WDR13: variants seen among roughly 807,000 people sequenced by gnomAD.
The protein encoded by WDR13 is WD repeat-containing protein 13.
A neutral mutation model predicts 28.6 loss-of-function variants in WDR13; 1 was observed. The observed-to-expected ratio is 0.03, with a 90% confidence interval of 0.01 to 0.17. The LOEUF is 0.17. WDR13 is among the 10% of genes least tolerant of loss of function. WDR13 has a pLI of 1.00. For missense variants in WDR13, 264 were observed against 469.3 expected (o/e 0.56, Z 4.04); for synonymous variants, 201 against 185.9 (o/e 1.08, Z -0.66).
intron 6 of WDR13, among the ~76,000 whole-genome samples, chrX:48,601,191 G>A (rs2062183214): frequency 8.9e-6 from 1 of 112,722 alleles, no homozygotes; most frequent in Non-Finnish European, 1.9e-5. Flanking sequence ...AGCCCCTTTG[G>A]TCCCATCAGC....
chrX:48,598,080 G>A (rs1556993191), intron 2 of WDR13, 43 bp downstream of exon 2: 2 of 1,160,359 alleles, frequency 1.7e-6, no homozygotes, highest in African/African-American at 1.8e-5. Flanking sequence ...AACTTACTGT[G>A]GTGCATGCGC....
At position 48,607,065 on chromosome X, in the gene WDR13, C is replaced by G. The variant is rs1206090255; in HGVS notation, c.*2033C>G. 9.2e-5 allele frequency: 9 copies of G among 97,470 alleles called. No homozygotes were observed. The highest frequency in any genetic ancestry group is 1.5e-4 in the Non-Finnish European group (7 of 47,790). 8.0% of individuals were successfully genotyped at this position (97,470 alleles called of 1,213,427 possible). ...GTGTGTCATGGTCCTCAATACCAGC[C>G]CCAAGCCCAGTGATTTGCTAGGAGG... On this transcript the variant is annotated 3_prime_UTR_variant, in exon 10 of 10. Transcript: ENST00000376729.
chrX:48,603,145 T>G (rs1011516749), intron 8 of WDR13, among the ~76,000 whole-genome samples: 1 of 112,051 alleles, frequency 8.9e-6, no homozygotes, highest in Non-Finnish European at 1.9e-5. Flanking sequence ...CCTAAGTAGC[T>G]GAGATTACAG....
Position 48,598,948 on chromosome X carries a change from C to T in WDR13, c.273C>T (p.Asp91=). Residue 91 remains aspartate, a synonymous_variant, in exon 3 of 10, where the codon GAC becomes GAT. Transcript: ENST00000376729. ...TCCGCAGTAGCCGCACTACTCTTGA[C>T]CGCATGGAGGTGAGCTTCTGGCCAC... ...SIVRSSRTTL[D]RMEDFEDDPR... 4.2e-6 allele frequency: 5 copies of T among 1,201,002 alleles called. No individual in the cohort carries two copies. The highest frequency in any genetic ancestry group is 3.0e-5 in the East Asian group (1 of 33,645).
At chrX:48,599,806 C>G (rs188668802) in intron 5 of WDR13, 89 bp downstream of exon 5, 329 of 1,137,995 alleles carry the variant, frequency 2.9e-4, no homozygotes, top group Non-Finnish European at 3.7e-4. Context: ...TCCAAGGCCC[C>G]TGGCACACTC....
intron 9 of WDR13, among the ~76,000 whole-genome samples, 186 bp from the exon 10 acceptor site, chrX:48,604,662 C>T (rs1450714453): frequency 8.9e-6 from 1 of 112,654 alleles, no homozygotes; most frequent in African/African-American, 3.2e-5. Flanking sequence ...ACCTCGCATT[C>T]TGCACACAGT....
chrX:48,604,580 A>G (rs991015191), intron 9 of WDR13, among the ~76,000 whole-genome samples, 190 bp downstream of exon 9: 1 of 112,531 alleles, frequency 8.9e-6, no homozygotes, highest in Non-Finnish European at 1.9e-5. Context: ...TTTGCACTTG[A>G]TCTCGGCCAA....
chrX:48,597,764 A>C, intron 1 of WDR13, 150 bp downstream of exon 1: 1 of 435,968 alleles, frequency 2.3e-6, no homozygotes, highest in South Asian at 4.5e-5. Flanking sequence ...GTCTGTTCTG[A>C]ATCGCTGTGT....
chrX:48,597,929 C>T, intron 1 of WDR13, 29 bp from the exon 2 acceptor site: 1 of 1,151,359 alleles, frequency 8.7e-7, no homozygotes, highest in Non-Finnish European at 1.2e-6. Context: ...TCGCTCGGGA[C>T]GCTCACATTC....
At chrX:48,599,165 G>GC (rs1418567667) in intron 3 of WDR13, 188 bp from the exon 4 acceptor site, 5 of 678,588 alleles carry the variant, frequency 7.4e-6, no homozygotes, top group Non-Finnish European at 1.1e-5. Flanking sequence ...TATCTGCTGA[G>GC]CAGGGGGAGG....
Position 48,602,143 on chromosome X carries a change from G to A in WDR13, c.1091G>A (p.Ser364Asn), listed in dbSNP as rs1377233509. Residue 364 changes from serine to asparagine, a missense_variant, in exon 8 of 10, where the codon AGC becomes AAC. By Grantham distance (46) the Ser-to-Asn change is conservative. Coordinates refer to ENST00000376729, the MANE Select transcript of WDR13 (RefSeq NM_001347217.2). Reference sequence around the variant, plus strand: ...AGCATCTCAGCCCGGTCCTGGGTCAGCCGCGAGGCCCGGGATCCCTCACTG... The same window carrying A: ...AGCATCTCAGCCCGGTCCTGGGTCAACCGCGAGGCCCGGGATCCCTCACTG... ...VTSISARSWVSREARDPSLLI... is the reference protein window; with the variant it reads ...VTSISARSWVNREARDPSLLI... 1.7e-6 allele frequency: 2 copies of A among 1,211,713 alleles called. No homozygotes were observed. The highest frequency in any genetic ancestry group is 2.2e-6 in the Non-Finnish European group (2 of 895,394).
rs1224044160 is a variant in WDR13 at position 48,606,313 on chromosome X, G to C, written c.*1281G>C. The C allele has an allele frequency of 9.1e-6, 1 of 109,951 alleles. No individual in the cohort carries two copies. The highest frequency in any genetic ancestry group is 3.3e-5 in the African/African-American group (1 of 30,168). 9.1% of individuals were successfully genotyped at this position (109,951 alleles called of 1,213,427 possible). On this transcript the variant is annotated 3_prime_UTR_variant, in exon 10 of 10. Coordinates refer to ENST00000376729, the MANE Select transcript of WDR13 (RefSeq NM_001347217.2). The stretch of plus-strand genomic sequence containing the variant: ...ACCCCCAGGGGGTTCACTATGTTAG[G>C]CTGCAGGACTCTGCTGCCTCCTCAG...
chrX:48,598,774 G>T lies in WDR13; in HGVS notation c.99G>T (p.Arg33=), dbSNP rs1556993504. The T allele has an allele frequency of 4.1e-5, 50 of 1,207,555 alleles. No homozygotes were observed. Among genetic ancestry groups the T allele is most frequent in the Non-Finnish European group, 5.5e-5 (49 of 893,085 alleles). The change falls in exon 3 of 10, where the codon CGG becomes CGT. Residue 33 remains arginine, a synonymous_variant. Transcript: ENST00000376729. The stretch of plus-strand genomic sequence containing the variant: ...AGTTTCGGACGCAGTATATCCGCCG[G>T]CGCAGCCAGCTGCTGCGGGAGAATG... ...FPQFRTQYIR[R]RSQLLRENAK... is the part of the protein sequence containing the mutation.
rs1556996268 is a variant in WDR13 at position 48,607,454 on chromosome X, A to ACCTCCC, written c.*2427_*2428insCCCTCC. ...ATGATCTTGGCTCACTGCAGCCTCC[A>ACCTCCC]CCTCCTGGGTTCAAGCGATCCTCGG... On this transcript the variant is annotated 3_prime_UTR_variant, in exon 10 of 10. Transcript: ENST00000376729. The ACCTCCC allele has an allele frequency of 2.4e-5, 2 of 83,847 alleles. No individual in the cohort carries two copies. The highest frequency in any genetic ancestry group is 4.4e-5 in the Non-Finnish European group (2 of 45,614). 6.9% of individuals were successfully genotyped at this position (83,847 alleles called of 1,213,427 possible).
At chrX:48,598,609 G>T in intron 2 of WDR13, 108 bp from the exon 3 acceptor site, 2 of 1,099,946 alleles carry the variant, frequency 1.8e-6, no homozygotes, top group Non-Finnish European at 2.4e-6. Flanking sequence ...TACCACCTAG[G>T]CCCCAGTCAC....
At chrX:48,599,899 G>A in intron 5 of WDR13, 182 bp downstream of exon 5, 1 of 667,845 alleles carries the variant, frequency 1.5e-6, no homozygotes, top group South Asian at 3.0e-5. Flanking sequence ...CTACTGGAAA[G>A]GGCCTCAGAA....
intron 8 of WDR13, among the ~76,000 whole-genome samples, chrX:48,603,641 C>A (rs782554155): frequency 9.0e-6 from 1 of 111,042 alleles, no homozygotes; most frequent in South Asian, 3.8e-4. Context: ...GAGCCAGACT[C>A]CATCTCTTAA....
chrX:48,601,140 A>G (rs1474729573), intron 6 of WDR13, among the ~76,000 whole-genome samples: 2 of 111,404 alleles, frequency 1.8e-5, no homozygotes, highest in East Asian at 5.7e-4. Flanking sequence ...GCTGTGGTAC[A>G]CTCCAGGGAG....
chrX:48,602,260 A>G (rs2062192194), intron 8 of WDR13, 54 bp downstream of exon 8: 22 of 1,137,025 alleles, frequency 1.9e-5, no homozygotes, highest in Non-Finnish European at 2.6e-5. Flanking sequence ...CCTCCAGCAC[A>G]CTGGGACAGT....
Sources: allele counts gnomAD v4.1 joint callset (sites outside exome capture counted in the v4.1 genomes callset), GRCh38; gene constraint gnomAD v4.1.1; transcripts MANE v1.5; gene names NCBI Gene and HGNC (gene_info 2026-07-23, HGNC 2026-07-21).